KIAA0586: variants seen among roughly 807,000 people sequenced by gnomAD.
The protein encoded by KIAA0586 is KIAA0586, also known as protein TALPID3.
In KIAA0586, 144 loss-of-function variants were observed where a neutral mutation model predicts 169.8. The ratio of observed to expected loss-of-function variants is 0.85; its 90% CI spans 0.74 to 0.97. KIAA0586 has a LOEUF of 0.97. KIAA0586 is among the 50% of genes least tolerant of loss of function. The pLI is 0.00. For synonymous variants in KIAA0586, 625 were observed against 612.4 expected (o/e 1.02, Z -0.30); for missense variants, 1,854 against 1,823.0 (o/e 1.02, Z -0.31).
intron 17 of KIAA0586, 38 bp downstream of exon 17, chr14:58,470,761 G>A (rs1443876116): frequency 3.1e-6 from 3 of 982,936 alleles, no homozygotes; most frequent in Admixed American, 1.8e-5. Context: ...TTTGAGTAAT[G>A]TCTGACTGTA....
chr14:58,472,839 T>G (rs185566856), intron 18 of KIAA0586, among the ~76,000 whole-genome samples: 7 of 149,318 alleles, frequency 4.7e-5, no homozygotes, highest in Non-Finnish European at 1.0e-4. Context: ...TTTGATCAAG[T>G]TTCTTTGACT....
intron 26 of KIAA0586, among the ~76,000 whole-genome samples, chr14:58,493,972 A>G (rs1275876396): frequency 1.3e-5 from 2 of 152,206 alleles, no homozygotes; most frequent in Non-Finnish European, 2.9e-5. Context: ...ATAAATTTAT[A>G]AATTCCACTG....
intron 15 of KIAA0586, among the ~76,000 whole-genome samples, chr14:58,467,188 C>T (rs995881969): frequency 4.6e-5 from 7 of 152,116 alleles, no homozygotes; most frequent in Non-Finnish European, 7.4e-5. Flanking sequence ...ACTGTGTGCC[C>T]GGTACAGTTC....
intron 25 of KIAA0586, 26 bp downstream of exon 25, chr14:58,490,266 G>A (rs1176215735): frequency 1.0e-5 from 13 of 1,299,806 alleles, no homozygotes; most frequent in Non-Finnish European, 1.4e-5. Flanking sequence ...CTCCAACACT[G>A]AATTCTGACA....
intron 9 of KIAA0586, 37 bp downstream of exon 9, chr14:58,453,510 A>G (rs764500054): frequency 7.1e-7 from 1 of 1,415,128 alleles, no homozygotes; most frequent in South Asian, 1.5e-5. Context: ...CTAGATTGAA[A>G]AGAGTTTTGT....
At chr14:58,452,776 C>T (rs1235736090) in intron 8 of KIAA0586, among the ~76,000 whole-genome samples, 1 of 152,160 alleles carries the variant, frequency 6.6e-6, no homozygotes, top group Non-Finnish European at 1.5e-5. Context: ...AACAGTCCTG[C>T]TGCCTTGGCC....
chr14:58,448,633 A>AT (rs2039103719), intron 7 of KIAA0586, 140 bp downstream of exon 7: 27 of 385,386 alleles, frequency 7.0e-5, no homozygotes, highest in Admixed American at 4.1e-4. Context: ...GTTTTATAAA[A>AT]CAATTTTTTT....
At chr14:58,554,514 G>A (rs1338259485), downstream of KIAA0586, among the ~76,000 whole-genome samples, 1 of 152,130 alleles carries the variant, frequency 6.6e-6, no homozygotes, top group Non-Finnish European at 1.5e-5. Flanking sequence ...ATAGTTCTTG[G>A]TAGAGTTATT....
At chr14:58,532,013 T>TATC (rs1000877618) in intron 29 of KIAA0586, among the ~76,000 whole-genome samples, 3 of 150,774 alleles carry the variant, frequency 2.0e-5, no homozygotes, top group Admixed American at 1.3e-4. Context: ...GGGAAGGGAA[T>TATC]ATCACACACC....
chr14:58,427,891 T>G lies in KIAA0586; in HGVS notation c.-374T>G. On this transcript the variant is annotated 5_prime_UTR_variant, in exon 1 of 31. Transcript: ENST00000652326. ...TTATTTTAAAAATAGCATTTCGCTT[T>G]TATTTGCTTGACTGCCTCTTCTCAA... is the stretch of plus-strand genomic sequence containing the variant. 1 of 1,374,402 alleles carries G rather than the reference T, an allele frequency of 7.3e-7. No homozygotes were observed. Among genetic ancestry groups the G allele is most frequent in the Non-Finnish European group, 9.5e-7 (1 of 1,049,128 alleles). The allele number at this position is 1,374,402 out of a possible 1,614,324, so 85.1% of individuals were successfully genotyped here.
At chr14:58,483,425 A>G (rs1188633880) in intron 21 of KIAA0586, among the ~76,000 whole-genome samples, 1 of 152,184 alleles carries the variant, frequency 6.6e-6, no homozygotes, top group East Asian at 1.9e-4. Context: ...CATCAGCAGT[A>G]TCTCCACAGA....
chr14:58,493,195 C>G (rs1034470103), intron 26 of KIAA0586, among the ~76,000 whole-genome samples: 2 of 152,016 alleles, frequency 1.3e-5, no homozygotes, highest in Non-Finnish European at 2.9e-5. Context: ...ATAGGATTGA[C>G]AGTAATTGGT....
At chr14:58,458,572 T>C in intron 12 of KIAA0586, 27 bp downstream of exon 12, 1 of 1,283,012 alleles carries the variant, frequency 7.8e-7, no homozygotes, top group South Asian at 1.4e-5. Flanking sequence ...AACTGAAAAT[T>C]AAGTGAATTC....
At chr14:58,484,909 T>TATATTTATATATATAA (rs1566877131) in intron 21 of KIAA0586, among the ~76,000 whole-genome samples, 1 of 29,786 alleles carries the variant, frequency 3.4e-5, no homozygotes, top group Admixed American at 5.0e-4. Flanking sequence ...TATATATATA[T>TATATTTATATATATAA]ATATATATAT....
intron 29 of KIAA0586, among the ~76,000 whole-genome samples, chr14:58,529,318 G>T (rs369631057): frequency 5.0e-4 from 76 of 152,134 alleles, no homozygotes; most frequent in African/African-American, 1.8e-3. Context: ...CTATTCCAAA[G>T]AATAGAAAAA....
Position 58,481,877 on chromosome 14 carries a change from G to A in KIAA0586, c.2945-636G>A, listed in dbSNP as rs562625941. Among the ~76,000 whole-genome samples the A allele has an allele frequency of 3.3e-5, 5 of 151,332 alleles. No individual in the cohort carries two copies. In the East Asian group the frequency reaches 6.0e-4, roughly 18 times the overall value. On this transcript the variant is annotated intron_variant, in intron 20 of 30. Coordinates refer to ENST00000652326, the MANE Select transcript of KIAA0586 (RefSeq NM_001329943.3). The stretch of plus-strand genomic sequence containing the variant: ...TGCCCAGGCTGGAGTGCAGTGGTGC[G>A]ATCTCAGCTCACTGCAAGCTCCACC...
intron 13 of KIAA0586, 61 bp downstream of exon 13, chr14:58,460,131 AGAGATAAATAAT>A (rs1194696950): frequency 1.0e-6 from 1 of 993,832 alleles, no homozygotes; most frequent in Non-Finnish European, 1.4e-6. Context: ...ATTTCCTTTA[AGAGATAAATAAT>A]GAAGCGAATG....
Position 58,504,848 on chromosome 14 carries a change from T to C in KIAA0586, c.4169-3707T>C, listed in dbSNP as rs137932113. Among the ~76,000 whole-genome samples the C allele has an allele frequency of 1.3e-3, 200 of 152,266 alleles. 1 individual carries two copies. Among genetic ancestry groups the C allele is most frequent in the African/African-American group, 4.2e-3 (175 of 41,570 alleles). On this transcript the variant is annotated intron_variant, in intron 27 of 30. Transcript: ENST00000652326. ...TACCTGTCATGTGTACTCTCTATAA[T>C]TCTCTAATGTCACCTGCCTAATGTT...
At chr14:58,487,277 A>G (rs2042522263) in intron 22 of KIAA0586, 111 bp downstream of exon 22, 3 of 932,666 alleles carry the variant, frequency 3.2e-6, no homozygotes, top group South Asian at 3.7e-5. Context: ...TTTTCTCACA[A>G]GGAAATTTAG....
Sources: gnomAD v4.1 joint callset for allele counts (sites outside exome capture counted in the v4.1 genomes callset) on GRCh38, gnomAD v4.1.1 for gene constraint, MANE v1.5 for transcripts, NCBI Gene and HGNC (gene_info 2026-07-23, HGNC 2026-07-21) for gene names.